The following PRDM16 variants were observed in gnomAD, a reference collection of about 807,000 sequenced individuals.
PRDM16 encodes histone-lysine N-methyltransferase PRDM16.
Under a neutral mutation model 110.6 loss-of-function variants are expected in PRDM16, and 23 were observed. The ratio of observed to expected loss-of-function variants is 0.21; its 90% confidence interval spans 0.15 to 0.29. The LOEUF is 0.29. PRDM16 is among the 10% of genes least tolerant of loss of function. The probability of loss-of-function intolerance (pLI) is 1.00; values close to 1 mark genes in which losing one functional copy is unlikely to be tolerated. For synonymous variants in PRDM16, 799 were observed against 781.8 expected, an observed-to-expected ratio of 1.02 and a Z score of -0.37; for missense variants, 1,615 against 1,794.3, an observed-to-expected ratio of 0.90 and a Z score of 1.81.
chr1:3,414,672 C>A, intron 10 of PRDM16, 25 bp downstream of exon 10: 1 of 1,583,544 alleles, frequency 6.3e-7, no homozygotes, highest in Non-Finnish European at 8.7e-7. Flanking sequence ...CAGGTCAGGG[C>A]GCCCTGTAAC....
chr1:3,140,783 G>C (rs1036681513), intron 1 of PRDM16, among the ~76,000 whole-genome samples: 10 of 152,338 alleles, frequency 6.6e-5, no homozygotes, highest in Non-Finnish European at 1.2e-4. Flanking sequence ...CAGCCCATGA[G>C]GGGTCCCGCC....
intron 1 of PRDM16, among the ~76,000 whole-genome samples, chr1:3,116,833 T>C (rs1642972925): frequency 6.6e-6 from 1 of 152,176 alleles, no homozygotes; most frequent in Non-Finnish European, 1.5e-5. Flanking sequence ...GAGCTCCGTG[T>C]GCCCCCACCT....
At position 3,190,063 on chromosome 1, in the gene PRDM16, T is replaced by C. The variant is rs766403803; in HGVS notation, c.387+3589T>C. 2.6e-5 allele frequency among the ~76,000 whole-genome samples: 4 copies of C among 152,084 alleles called. No individual in the cohort carries two copies. The highest frequency in any genetic ancestry group is 4.4e-5 in the Non-Finnish European group (3 of 68,016). ...GACTGGGGAGGGTCAGGGGCTCTTC[T>C]CTCCCTGACATGGGGCCGATGTAGA... On this transcript the variant is annotated intron_variant, in intron 2 of 16. Coordinates refer to ENST00000270722, the MANE Select transcript of PRDM16 (RefSeq NM_022114.4). This position sits in a 1 kb window ranked among gnomAD's most constrained non-coding sequence, Gnocchi z 5.0.
At chr1:3,098,390 A>C (rs1402247549) in intron 1 of PRDM16, among the ~76,000 whole-genome samples, 1 of 152,106 alleles carries the variant, frequency 6.6e-6, no homozygotes, top group Non-Finnish European at 1.5e-5. Flanking sequence ...CGAGCTGGCA[A>C]GGGGCTTAAT....
rs1308192868 is a variant in PRDM16, at chr1:3,245,791, G to C, written c.438+1654G>C. 6.6e-6 allele frequency among the ~76,000 whole-genome samples: 1 copy of C among 152,124 alleles called. No homozygotes were observed. Among genetic ancestry groups the C allele is most frequent in the Non-Finnish European group, 1.5e-5 (1 of 68,034 alleles). On this transcript the variant is annotated intron_variant, in intron 3 of 16. Coordinates refer to ENST00000270722, the MANE Select transcript of PRDM16 (RefSeq NM_022114.4). The surrounding 1 kb of genome is among the most constrained non-coding windows in gnomAD (Gnocchi z 4.7). ...CAGTTAGCAGCGCTGCTGTATTTCC[G>C]AGAACTGCAGTATTTTCACTTCCCA...
chr1:3,248,624 C>T (rs1226166755), intron 3 of PRDM16, among the ~76,000 whole-genome samples: 1 of 152,136 alleles, frequency 6.6e-6, no homozygotes, highest in Non-Finnish European at 1.5e-5. Context: ...AAAGTCATTC[C>T]GCCGGAAGAG....
chr1:3,348,318 C>G (rs1027335754), intron 3 of PRDM16, among the ~76,000 whole-genome samples: 2 of 152,190 alleles, frequency 1.3e-5, no homozygotes, highest in African/African-American at 2.4e-5. Context: ...AGGCCCTGAG[C>G]TTTTTGGAGC....
intron 1 of PRDM16, among the ~76,000 whole-genome samples, chr1:3,094,151 C>T (rs924540838): frequency 1.3e-5 from 2 of 152,100 alleles, no homozygotes; most frequent in Admixed American, 6.5e-5. Context: ...GGGCGGGGCA[C>T]GCAGGGCAGA....
intron 3 of PRDM16, among the ~76,000 whole-genome samples, chr1:3,305,417 G>A (rs1165333445): frequency 6.6e-6 from 1 of 152,182 alleles, no homozygotes; most frequent in Non-Finnish European, 1.5e-5. Flanking sequence ...TCCAGCTGGT[G>A]TTTATTTTCA....
intron 3 of PRDM16, among the ~76,000 whole-genome samples, chr1:3,264,456 T>C (rs1397005295): frequency 2.2e-4 from 25 of 113,006 alleles, no homozygotes; most frequent in Middle Eastern, 9.4e-3. Flanking sequence ...GGGAGAGGCA[T>C]AGAGGAGCAT....
At chr1:3,176,822 A>C (rs544624697) in intron 1 of PRDM16, among the ~76,000 whole-genome samples, 1 of 150,458 alleles carries the variant, frequency 6.6e-6, no homozygotes, top group Admixed American at 6.6e-5. Context: ...TCACCCACCC[A>C]TCCATTCATC....
intron 1 of PRDM16, among the ~76,000 whole-genome samples, chr1:3,185,158 C>A (rs2651928): frequency 6.6e-6 from 1 of 151,920 alleles, no homozygotes; most frequent in African/African-American, 2.4e-5. Flanking sequence ...GTCCAGACTC[C>A]TCCTCGCCCT....
intron 3 of PRDM16, among the ~76,000 whole-genome samples, chr1:3,256,441 CAA>C (rs940950320): frequency 3.9e-5 from 6 of 152,298 alleles, no homozygotes; most frequent in African/African-American, 1.2e-4. Context: ...TCTATTGTAA[CAA>C]GAGTATCACA....
intron 2 of PRDM16, among the ~76,000 whole-genome samples, chr1:3,214,862 C>T (rs919612373): frequency 6.6e-6 from 1 of 152,152 alleles, no homozygotes; most frequent in Non-Finnish European, 1.5e-5. Flanking sequence ...GCTGTGGCCC[C>T]AGGATGCTTC....
chr1:3,275,512 C>G (rs1640562373), intron 3 of PRDM16, among the ~76,000 whole-genome samples: 1 of 152,154 alleles, frequency 6.6e-6, no homozygotes, highest in Non-Finnish European at 1.5e-5. Flanking sequence ...AAACAGTTGT[C>G]AGGCACTCGG....
Position 3,201,534 on chromosome 1 carries a change from G to C in PRDM16, c.387+15060G>C, listed in dbSNP as rs2100828737. 6.6e-6 allele frequency among the ~76,000 whole-genome samples: 1 copy of C among 152,310 alleles called. No individual in the cohort carries two copies. Among genetic ancestry groups the C allele is most frequent in the East Asian group, 1.9e-4 (1 of 5,172 alleles). Reference sequence around the variant, plus strand: ...GGCCCTTGCAGTCATCAGGAATGATGTCAGCTGTGGGGAGGACAGGAGGGC... The same window carrying C: ...GGCCCTTGCAGTCATCAGGAATGATCTCAGCTGTGGGGAGGACAGGAGGGC... On this transcript the variant is annotated intron_variant, in intron 2 of 16. Coordinates refer to ENST00000270722, the MANE Select transcript of PRDM16 (RefSeq NM_022114.4). This position sits in a 1 kb window ranked among gnomAD's most constrained non-coding sequence, Gnocchi z 4.1.
At chr1:3,333,663 T>A (rs1470271115) in intron 3 of PRDM16, among the ~76,000 whole-genome samples, 1 of 152,126 alleles carries the variant, frequency 6.6e-6, no homozygotes, top group African/African-American at 2.4e-5. Context: ...GGGGTTTGGA[T>A]GTGCGTCCCC....
chr1:3,239,968 GAAGA>G (rs777672861), intron 2 of PRDM16, among the ~76,000 whole-genome samples: 25 of 148,940 alleles, frequency 1.7e-4, no homozygotes, highest in East Asian at 4.0e-4. Context: ...GAAAAGTAAA[GAAGA>G]AAGAAAGAAA....
intron 1 of PRDM16, among the ~76,000 whole-genome samples, chr1:3,181,319 C>CAGTCTTACACAA (rs1644172269): frequency 3.3e-5 from 2 of 60,230 alleles, no homozygotes; most frequent in Admixed American, 2.2e-4. Flanking sequence ...GTCTTACACA[C>CAGTCTTACACAA]GCAATCTTAC....
Sources: gnomAD v4.1 joint callset for allele counts (sites outside exome capture counted in the v4.1 genomes callset) on GRCh38, gnomAD v4.1.1 for gene constraint, Gnocchi (gnomAD v3.1) non-coding constraint, MANE v1.5 for transcripts, NCBI Gene and HGNC (gene_info 2026-07-23, HGNC 2026-07-21) for gene names.